Variants in LHPP observed in about 807,000 individuals in gnomAD.
LHPP encodes the protein hLHPP.
LHPP carries 24 observed loss-of-function variants against 30.3 expected under a neutral mutation model. That is an observed-to-expected ratio of 0.79 (90% CI 0.57 to 1.11). The LOEUF is 1.11. Ranked by LOEUF, LHPP falls within the 50% of genes most tolerant of loss-of-function variation. The pLI is 0.00. For synonymous variants in LHPP, 150 were observed against 157.1 expected, an observed-to-expected ratio of 0.95 and a Z score of 0.34; for missense variants, 356 against 367.2, an observed-to-expected ratio of 0.97 and a Z score of 0.25.
At chr10:124,534,176 C>T (rs1954963445) in intron 6 of LHPP, among the ~76,000 whole-genome samples, 1 of 152,242 alleles carries the variant, frequency 6.6e-6, no homozygotes, top group African/African-American at 2.4e-5. Context: ...TCTGCATGGG[C>T]CACCCACAAT....
At chr10:124,568,209 C>T (rs867942033) in intron 6 of LHPP, among the ~76,000 whole-genome samples, 2 of 152,170 alleles carry the variant, frequency 1.3e-5, no homozygotes, top group African/African-American at 4.8e-5. Context: ...CCACCATGCC[C>T]GGCTGGTTCT....
At chr10:124,586,133 G>A (rs559677593) in intron 6 of LHPP, among the ~76,000 whole-genome samples, 1 of 152,308 alleles carries the variant, frequency 6.6e-6, no homozygotes, top group East Asian at 1.9e-4. Context: ...TTCTTAGGCT[G>A]GTTCAAGGCT....
intron 6 of LHPP, chr10:124,605,094 G>A (rs925377753): frequency 6.6e-6 from 1 of 152,374 alleles, no homozygotes; most frequent in African/African-American, 2.4e-5. Flanking sequence ...GCTGGGGCCT[G>A]GCCACCATTT....
intron 6 of LHPP, among the ~76,000 whole-genome samples, chr10:124,580,536 A>C (rs187736306): frequency 4.2e-4 from 64 of 152,304 alleles, no homozygotes; most frequent in Middle Eastern, 3.4e-3. Flanking sequence ...TCACTGACTT[A>C]TAATGCCACC....
chr10:124,551,622 C>T (rs1056238994), intron 6 of LHPP, among the ~76,000 whole-genome samples: 13 of 152,174 alleles, frequency 8.5e-5, no homozygotes, highest in African/African-American at 3.1e-4. Flanking sequence ...AGGACCCCAC[C>T]ATGCGGAGGG....
chr10:124,488,182 G>A (rs1384350057), intron 2 of LHPP, among the ~76,000 whole-genome samples: 1 of 152,180 alleles, frequency 6.6e-6, no homozygotes, highest in East Asian at 1.9e-4. Flanking sequence ...GTATTGGGAT[G>A]GAGGGTCCTG....
chr10:124,534,998 C>G (rs942310863), intron 6 of LHPP, among the ~76,000 whole-genome samples: 1 of 152,182 alleles, frequency 6.6e-6, no homozygotes, highest in African/African-American at 2.4e-5. Flanking sequence ...TGTTACAGCA[C>G]GCAGGCACCC....
At chr10:124,521,463 C>T (rs748578014) in intron 6 of LHPP, among the ~76,000 whole-genome samples, 18 of 152,374 alleles carry the variant, frequency 1.2e-4, no homozygotes, top group Non-Finnish European at 1.9e-4. Flanking sequence ...TGAGCCTCTC[C>T]TCTCCTGCAA....
chr10:124,548,730 GA>G (rs1353450285), intron 6 of LHPP, among the ~76,000 whole-genome samples: 11 of 152,230 alleles, frequency 7.2e-5, no homozygotes, highest in African/African-American at 2.7e-4. Context: ...CGGGCAGGTG[GA>G]TCTTCGAGAA....
chr10:124,594,583 A>C (rs1198355072), intron 6 of LHPP, among the ~76,000 whole-genome samples: 1 of 151,862 alleles, frequency 6.6e-6, no homozygotes, highest in Non-Finnish European at 1.5e-5. Context: ...TTCTATCGTA[A>C]ATATCTCTGC....
chr10:124,578,048 G>A (rs964086647), intron 6 of LHPP, among the ~76,000 whole-genome samples: 4 of 152,182 alleles, frequency 2.6e-5, no homozygotes, highest in South Asian at 2.1e-4. Flanking sequence ...GGCCCCAGCC[G>A]AGAACCTGAC....
At position 124,463,819 on chromosome 10, in the gene LHPP, T is replaced by TC. The variant is rs954512350; in HGVS notation, c.125+1833dup. Among the ~76,000 whole-genome samples the TC allele has an allele frequency of 1.3e-4, 14 of 104,718 alleles. No individual in the cohort carries two copies. In the Middle Eastern group the frequency reaches 0.016, roughly 122 times the overall value. 68.7% of individuals were successfully genotyped at this position (104,718 alleles called of 152,430 possible). On this transcript the variant is annotated intron_variant, in intron 1 of 6. Coordinates refer to ENST00000368842, the MANE Select transcript of LHPP (RefSeq NM_022126.4). Reference sequence around the variant, plus strand: ...CACCACACCTGGCCTAATTTTTTTTTCTTTTTTTTTTTTTTTTTTTGAGAC... The same window carrying TC: ...CACCACACCTGGCCTAATTTTTTTTTCCTTTTTTTTTTTTTTTTTTTGAGAC...
chr10:124,480,133 C>T (rs1953080495), intron 1 of LHPP, among the ~76,000 whole-genome samples: 1 of 152,076 alleles, frequency 6.6e-6, no homozygotes, highest in Admixed American at 6.5e-5. Flanking sequence ...TCTTTATTTT[C>T]AGTAATTTAA....
chr10:124,540,043 G>C (rs185099238), intron 6 of LHPP, among the ~76,000 whole-genome samples: 72 of 152,314 alleles, frequency 4.7e-4, no homozygotes, highest in African/African-American at 1.7e-3. Flanking sequence ...TCATTTTCTT[G>C]GTGTTCTCAT....
intron 5 of LHPP, among the ~76,000 whole-genome samples, chr10:124,514,322 T>C (rs1310656448): frequency 6.6e-6 from 1 of 152,232 alleles, no homozygotes; most frequent in African/African-American, 2.4e-5. Context: ...TATTTCCAGC[T>C]ATTGTCATTT....
At chr10:124,563,857 A>C (rs1451870691) in intron 6 of LHPP, among the ~76,000 whole-genome samples, 1 of 152,206 alleles carries the variant, frequency 6.6e-6, no homozygotes, top group Non-Finnish European at 1.5e-5. Flanking sequence ...TGCCGCTGGG[A>C]GAAAGAGACC....
chr10:124,474,048 G>A (rs1384714648), intron 1 of LHPP, among the ~76,000 whole-genome samples: 1 of 148,998 alleles, frequency 6.7e-6, no homozygotes, highest in African/African-American at 2.5e-5. Flanking sequence ...AAAAGCCAAC[G>A]TTTTACTTAT....
At chr10:124,475,507 C>T (rs564589086) in intron 1 of LHPP, among the ~76,000 whole-genome samples, 49 of 152,086 alleles carry the variant, frequency 3.2e-4, no homozygotes, top group Non-Finnish European at 5.9e-4. Flanking sequence ...TGCCACTGCA[C>T]TCCAGCCTGG....
chr10:124,475,556 T>TA (rs952182072), intron 1 of LHPP, among the ~76,000 whole-genome samples: 1 of 150,200 alleles, frequency 6.7e-6, no homozygotes, highest in Non-Finnish European at 1.5e-5. Context: ...TAAAATAAAA[T>TA]AAAAAATAAA....
Sources: allele counts gnomAD v4.1 joint callset (sites outside exome capture counted in the v4.1 genomes callset), GRCh38; gene constraint gnomAD v4.1.1; transcripts MANE v1.5; gene names NCBI Gene and HGNC (gene_info 2026-07-23, HGNC 2026-07-21).